The following SULT1E1 variants were observed in gnomAD, a reference collection of about 807,000 sequenced individuals.
SULT1E1 encodes sulfotransferase family 1E member 1.
Under a neutral mutation model 33.6 loss-of-function variants are expected in SULT1E1, and 36 were observed. The observed-to-expected ratio is 1.07, with a 90% CI of 0.82 to 1.41. The LOEUF (loss-of-function observed/expected upper bound fraction) is 1.41, where lower values mean the gene tolerates loss of function less well. SULT1E1 is among the 40% of genes most tolerant of loss of function. SULT1E1 has a pLI of 0.00. For synonymous variants in SULT1E1, 121 were observed against 111.7 expected, an observed-to-expected ratio of 1.08 and a Z score of -0.53; for missense variants, 371 against 345.7, an observed-to-expected ratio of 1.07 and a Z score of -0.58.
intron 7 of SULT1E1, 100 bp from the exon 8 acceptor site, chr4:69,842,206 T>C: frequency 1.5e-6 from 1 of 671,930 alleles, no homozygotes; most frequent in Non-Finnish European, 2.6e-6. Context: ...TCAAATATTA[T>C]ACTTGTAATT....
chr4:69,855,527 A>G, intron 2 of SULT1E1, 101 bp from the exon 3 acceptor site: 1 of 1,218,308 alleles, frequency 8.2e-7, no homozygotes, highest in Non-Finnish European at 1.1e-6. Context: ...TACCAATGCA[A>G]TACTATTTAA....
At position 69,857,668 on chromosome 4, in the gene SULT1E1, C is replaced by T; in HGVS notation, c.-9-15G>A. 1 of 1,568,120 alleles carries T rather than the reference C, an allele frequency of 6.4e-7. No homozygotes were observed. Among genetic ancestry groups the T allele is most frequent in the Non-Finnish European group, 8.6e-7 (1 of 1,164,264 alleles). The stretch of plus-strand genomic sequence containing the variant: ...ATTGTGGTACACTGAAAAAAAACCT[C>T]TGCTTTATACTTTGTATGTACTTAA... On this transcript the variant is annotated splice_polypyrimidine_tract_variant and intron_variant, in intron 1 of 7. Coordinates refer to ENST00000226444, the MANE Select transcript of SULT1E1 (RefSeq NM_005420.3).
the SULT1E1 span, among the ~76,000 whole-genome samples, chr4:69,830,656 C>T: frequency 6.6e-6 from 1 of 152,196 alleles, no homozygotes; most frequent in Non-Finnish European, 1.5e-5. Context: ...TGCGCATATG[C>T]CTGGGCATTA....
intron 6 of SULT1E1, among the ~76,000 whole-genome samples, chr4:69,846,379 G>A (rs551641590): frequency 6.7e-6 from 1 of 149,304 alleles, no homozygotes; most frequent in African/African-American, 2.4e-5. Context: ...TACTTTATAG[G>A]TTTCAAACTT....
intron 3 of SULT1E1, 57 bp from the exon 4 acceptor site, chr4:69,854,371 G>T: frequency 2.0e-6 from 2 of 1,009,784 alleles, no homozygotes; most frequent in Non-Finnish European, 3.0e-6. Flanking sequence ...TATTTATGTG[G>T]ATTTATATAG....
the SULT1E1 span, among the ~76,000 whole-genome samples, chr4:69,832,525 C>T: frequency 2.4e-4 from 36 of 152,234 alleles, no homozygotes; most frequent in African/African-American, 7.7e-4. Context: ...CTAAGTGGTG[C>T]GAAAACAAAT....
rs374668819 is a variant in SULT1E1, at chr4:69,855,212, A to T, written c.271+89T>A. ...TGTAGAAGACCTGATACTAATTGCC[A>T]TTCTTGCTTATAATCTCATTGCTTG... is the stretch of plus-strand genomic sequence containing the variant. On this transcript the variant is annotated intron_variant, in intron 3 of 7. Coordinates refer to ENST00000226444, the MANE Select transcript of SULT1E1 (RefSeq NM_005420.3). The T allele has an allele frequency of 8.9e-5, 123 of 1,379,386 alleles. 4 individuals carry two copies. The East Asian group carries it at 1.3e-3, about 14-fold the overall frequency. 85.4% of individuals were successfully genotyped at this position (1,379,386 alleles called of 1,614,324 possible). A position where few individuals can be genotyped will look rare whatever the true frequency, so the allele number is the denominator to read the frequency against.
downstream of SULT1E1, among the ~76,000 whole-genome samples, chr4:69,836,759 T>G (rs1435931414): frequency 1.3e-5 from 2 of 152,210 alleles, no homozygotes; most frequent in Non-Finnish European, 2.9e-5. Context: ...CTGTATTAAT[T>G]TATTTTGTCT....
chr4:69,825,932 T>A, the SULT1E1 span, among the ~76,000 whole-genome samples: 53 of 152,290 alleles, frequency 3.5e-4, no homozygotes, highest in African/African-American at 1.3e-3. Flanking sequence ...AAGAATGATT[T>A]CTAGTGTAAA....
Position 69,842,070 on chromosome 4 carries a change from G to T in SULT1E1, c.809C>A (p.Ala270Asp). 6.2e-7 allele frequency: 1 copy of T among 1,610,718 alleles called. No individual in the cohort carries two copies. The highest frequency in any genetic ancestry group is 8.5e-7 in the Non-Finnish European group (1 of 1,178,690). Reference sequence around the variant, plus strand: ...ATGTTTATCAAATTTTTCATTCAGGGCTACTGTAAAGTGATTTTTCCAGTC... The same window carrying T: ...ATGTTTATCAAATTTTTCATTCAGGTCTACTGTAAAGTGATTTTTCCAGTC... Reference protein sequence around the residue: ...TGDWKNHFTVALNEKFDKHYE... With the variant: ...TGDWKNHFTVDLNEKFDKHYE... The change falls in exon 8 of 8, where the codon GCC (alanine) becomes GAC (aspartate). Residue 270 changes from alanine (A) to aspartate (D), a missense_variant. Ala to Asp is a moderately radical substitution (Grantham distance 126, BLOSUM62 -2). Coordinates refer to ENST00000226444, the MANE Select transcript of SULT1E1 (RefSeq NM_005420.3).
chr4:69,852,104 C>T (rs1721128664), intron 4 of SULT1E1, among the ~76,000 whole-genome samples: 1 of 151,934 alleles, frequency 6.6e-6, no homozygotes, highest in Non-Finnish European at 1.5e-5. Context: ...GCACATGTAC[C>T]CTAAAACTTG....
At position 69,841,772 on chromosome 4, in the gene SULT1E1, T is replaced by G; in HGVS notation, c.*222A>C. 2.8e-6 allele frequency: 1 copy of G among 355,836 alleles called. No individual in the cohort carries two copies. Among genetic ancestry groups the G allele is most frequent in the Non-Finnish European group, 4.9e-6 (1 of 202,274 alleles). 22.0% of individuals were successfully genotyped at this position (355,836 alleles called of 1,614,324 possible). A position where few individuals can be genotyped will look rare whatever the true frequency, so the allele number is the denominator to read the frequency against. ...GGGAGGATCAATTGAGTCAAGGAGG[T>G]CAAGGCTGCAATCAGCCATGATTGT... On this transcript the variant is annotated 3_prime_UTR_variant, in exon 8 of 8. Coordinates refer to ENST00000226444, the MANE Select transcript of SULT1E1 (RefSeq NM_005420.3).
chr4:69,823,625 A>T, the SULT1E1 span, among the ~76,000 whole-genome samples: 2 of 151,972 alleles, frequency 1.3e-5, no homozygotes, highest in Non-Finnish European at 2.9e-5. Flanking sequence ...TTCTTCCTGT[A>T]CTTTGTTTAT....
In SULT1E1 at chr4:69,844,240, C is replaced by T. The variant is rs1720933123; in HGVS notation, c.693G>A (p.Met231Ile). Residue 231 changes from methionine to isoleucine, a missense_variant, in exon 7 of 8, where the codon ATG becomes ATA. Met to Ile is a conservative substitution (Grantham distance 10). Coordinates refer to ENST00000226444, the MANE Select transcript of SULT1E1 (RefSeq NM_005420.3). The part of the protein sequence containing the change: ...RIIHHTSFQE[M>I]KNNPSTNYTT... The stretch of plus-strand genomic sequence containing the variant: ...TGTAATTTGTGGATGGATTGTTCTT[C>T]ATCTCTTGGAACGAAGTATGATGTA... 1 of 1,613,812 alleles carries T rather than the reference C, an allele frequency of 6.2e-7. No homozygotes were observed. Among genetic ancestry groups the T allele is most frequent in the African/African-American group, 1.3e-5 (1 of 74,910 alleles).
At chr4:69,847,409 T>A (rs971577769) in intron 6 of SULT1E1, among the ~76,000 whole-genome samples, 7 of 151,788 alleles carry the variant, frequency 4.6e-5, no homozygotes, top group African/African-American at 1.7e-4. Context: ...AATGTGTGTG[T>A]GTGTGTGCCT....
chr4:69,849,355 A>C (rs1004358987), intron 5 of SULT1E1, 82 bp downstream of exon 5: 3 of 1,515,410 alleles, frequency 2.0e-6, no homozygotes, highest in Admixed American at 3.8e-5. Flanking sequence ...ACGTACCAGA[A>C]CAGTTAAAAA....
At chr4:69,859,943 G>A (rs976193881) in intron 1 of SULT1E1, 106 bp downstream of exon 1, 2 of 151,772 alleles carry the variant, frequency 1.3e-5, no homozygotes, top group Non-Finnish European at 2.9e-5. Context: ...TCAAGACTTT[G>A]GTCTTTGTAT....
At chr4:69,825,796 A>C in the SULT1E1 span, among the ~76,000 whole-genome samples, 1 of 152,082 alleles carries the variant, frequency 6.6e-6, no homozygotes, top group African/African-American at 2.4e-5. Flanking sequence ...TATCCTATCT[A>C]TCCTGACCCT....
intron 1 of SULT1E1, among the ~76,000 whole-genome samples, chr4:69,859,811 T>G (rs1259272795): frequency 1.3e-5 from 2 of 152,130 alleles, no homozygotes; most frequent in African/African-American, 4.8e-5. Context: ...GCAATGGTAC[T>G]GTAATTTTAC....
Sources: allele counts gnomAD v4.1 joint callset (sites outside exome capture counted in the v4.1 genomes callset), GRCh38; gene constraint gnomAD v4.1.1; transcripts MANE v1.5; gene names NCBI Gene and HGNC (gene_info 2026-07-23, HGNC 2026-07-21).